RBM39: variants seen among roughly 807,000 people sequenced by gnomAD.
RBM39 encodes RNA binding motif protein 39, also known as RNA-binding protein 39.
Under a neutral mutation model 79.6 loss-of-function variants are expected in RBM39, and 12 were observed. That is an observed-to-expected ratio of 0.15 (90% CI 0.10 to 0.24). RBM39 has a LOEUF of 0.24. Ranked by LOEUF, RBM39 falls within the 10% of genes least tolerant of loss-of-function variation. RBM39 has a pLI of 1.00. For synonymous variants in RBM39, 185 were observed against 208.4 expected (o/e 0.89, Z 0.97); for missense variants, 243 against 653.4 (o/e 0.37, Z 6.85).
intron 6 of RBM39, among the ~76,000 whole-genome samples, chr20:35,726,436 A>T (rs1450109292): frequency 6.6e-6 from 1 of 151,972 alleles, no homozygotes; most frequent in Non-Finnish European, 1.5e-5. Flanking sequence ...TGGCCCAAAA[A>T]GGGTAATTTT....
intron 8 of RBM39, among the ~76,000 whole-genome samples, chr20:35,722,427 AAAAAATAAAAAT>A (rs1476217227): frequency 1.6e-4 from 20 of 126,230 alleles, no homozygotes; most frequent in African/African-American, 2.3e-4. Context: ...AAAATAAAAA[AAAAAATAAAAAT>A]AAAAAGTTTA....
intron 6 of RBM39, among the ~76,000 whole-genome samples, chr20:35,725,748 C>T (rs564727204): frequency 3.2e-4 from 49 of 151,800 alleles, no homozygotes; most frequent in African/African-American, 1.2e-3. Flanking sequence ...CCACAACCTC[C>T]GCCTCCCTGA....
At chr20:35,726,200 C>G (rs186863163) in intron 6 of RBM39, among the ~76,000 whole-genome samples, 3 of 151,640 alleles carry the variant, frequency 2.0e-5, no homozygotes, top group Non-Finnish European at 4.4e-5. Context: ...GGCGCAATCT[C>G]GGCTCACTGC....
At chr20:35,733,427 G>C (rs1367192219) in intron 3 of RBM39, among the ~76,000 whole-genome samples, 1 of 152,068 alleles carries the variant, frequency 6.6e-6, no homozygotes, top group Non-Finnish European at 1.5e-5. Context: ...AGTCGACACG[G>C]TGAAAACCCA....
At chr20:35,710,757 A>G (rs965336742) in intron 12 of RBM39, among the ~76,000 whole-genome samples, 8 of 152,214 alleles carry the variant, frequency 5.3e-5, no homozygotes, top group African/African-American at 1.7e-4. Flanking sequence ...AAAAATATCC[A>G]GTTACACAGA....
At chr20:35,713,664 C>T (rs895615789) in intron 11 of RBM39, 3 of 41,292 alleles carry the variant, frequency 7.3e-5, no homozygotes. Flanking sequence ...AACCAACCAA[C>T]ACAAAAAAAA....
intron 3 of RBM39, 53 bp downstream of exon 3, chr20:35,738,915 T>TA: frequency 6.6e-7 from 1 of 1,507,992 alleles, no homozygotes; most frequent in Non-Finnish European, 9.2e-7. Context: ...ACTTAAGGTC[T>TA]AAAACCACAA....
intron 13 of RBM39, 76 bp from the exon 14 acceptor site, chr20:35,707,277 C>T: frequency 1.1e-6 from 1 of 937,200 alleles, no homozygotes; most frequent in Admixed American, 2.6e-5. Context: ...TAAAACGAAA[C>T]CAAAAACCCA....
rs2035425574 is a variant in RBM39, at chr20:35,703,847, A to C, written c.*634T>G. 1 of 152,342 alleles carries C rather than the reference A, an allele frequency of 6.6e-6. No homozygotes were observed. Among genetic ancestry groups the C allele is most frequent in the Non-Finnish European group, 1.5e-5 (1 of 68,040 alleles). The allele number at this position is 152,342 out of a possible 1,614,324, so 9.4% of individuals were successfully genotyped here. A position where few individuals can be genotyped will look rare whatever the true frequency, so the allele number is the denominator to read the frequency against. On this transcript the variant is annotated 3_prime_UTR_variant, in exon 17 of 17. Transcript: ENST00000253363. ...TTTGCCTACCAGACTCTCACGTTTA[A>C]ACATCTTCAGGAAATGCAGGGATCA...
chr20:35,735,412 A>G (rs1282694275), intron 3 of RBM39, among the ~76,000 whole-genome samples: 1 of 152,248 alleles, frequency 6.6e-6, no homozygotes, highest in African/African-American at 2.4e-5. Flanking sequence ...GATACTATGA[A>G]GTGTATGTTA....
At chr20:35,706,171 T>G (rs1394465658) in intron 14 of RBM39, among the ~76,000 whole-genome samples, 1 of 152,136 alleles carries the variant, frequency 6.6e-6, no homozygotes, top group Non-Finnish European at 1.5e-5. Flanking sequence ...AAACCCTGTC[T>G]CTACTAAAAA....
chr20:35,719,301 G>C (rs1247383469), intron 9 of RBM39, among the ~76,000 whole-genome samples: 1 of 152,092 alleles, frequency 6.6e-6, no homozygotes, highest in African/African-American at 2.4e-5. Flanking sequence ...AAAAGTGCAG[G>C]GATCACAGGC....
intron 3 of RBM39, chr20:35,734,380 T>TA: frequency 2.7e-6 from 1 of 370,934 alleles, no homozygotes; most frequent in South Asian, 2.5e-5. Flanking sequence ...AGATGGGCAA[T>TA]AGGTAACACT....
At chr20:35,711,902 T>C (rs1002156796) in intron 12 of RBM39, among the ~76,000 whole-genome samples, 2 of 152,052 alleles carry the variant, frequency 1.3e-5, no homozygotes, top group African/African-American at 4.8e-5. Flanking sequence ...CCCAGGATTT[T>C]GGGAGGTCAA....
chr20:35,713,292 A>G (rs1384960146), intron 11 of RBM39, 196 bp from the exon 12 acceptor site: 2 of 462,484 alleles, frequency 4.3e-6, no homozygotes, highest in African/African-American at 2.0e-5. Flanking sequence ...ATCGAGACCA[A>G]CCTGGGCAAC....
intron 2 of RBM39, chr20:35,739,590 C>A (rs1359419685): frequency 2.2e-6 from 1 of 461,838 alleles, no homozygotes; most frequent in Non-Finnish European, 4.5e-6. Context: ...AATGTTGACT[C>A]CCAAGAACCC....
chr20:35,717,361 G>A (rs1431350274), intron 9 of RBM39, among the ~76,000 whole-genome samples: 6 of 150,342 alleles, frequency 4.0e-5, no homozygotes, highest in Non-Finnish European at 7.4e-5. Flanking sequence ...GAGCAGAGGG[G>A]AGAAAAAAAA....
chr20:35,739,716 A>G (rs894154909), intron 2 of RBM39: 1 of 336,176 alleles, frequency 3.0e-6, no homozygotes, highest in African/African-American at 2.2e-5. Context: ...TCTTAACATT[A>G]AAACAGAAAG....
chr20:35,719,559 C>A (rs769054672), intron 9 of RBM39, among the ~76,000 whole-genome samples: 22 of 151,848 alleles, frequency 1.4e-4, no homozygotes, highest in Non-Finnish European at 1.6e-4. Context: ...AGCCTGTAAT[C>A]CCAGCTACTC....
Sources: allele counts gnomAD v4.1 joint callset (sites outside exome capture counted in the v4.1 genomes callset), GRCh38; gene constraint gnomAD v4.1.1; transcripts MANE v1.5; gene names NCBI Gene and HGNC (gene_info 2026-07-23, HGNC 2026-07-21).